Variants in ERG observed in about 807,000 individuals in gnomAD.
ERG encodes ETS transcription factor ERG.
ERG carries 9 observed loss-of-function variants against 55.3 expected under a neutral mutation model. The observed-to-expected ratio is 0.16, with a 90% confidence interval of 0.10 to 0.28. The LOEUF (loss-of-function observed/expected upper bound fraction) is 0.28, where lower values mean the gene tolerates loss of function less well. ERG is among the 10% of genes least tolerant of loss of function. ERG has a pLI of 1.00. For synonymous variants in ERG, 223 were observed against 237.3 expected, an observed-to-expected ratio of 0.94 and a Z score of 0.55; for missense variants, 434 against 631.6, an observed-to-expected ratio of 0.69 and a Z score of 3.35.
chr21:38,565,364 A>G (rs1401887815), intron 2 of ERG, among the ~76,000 whole-genome samples: 1 of 152,212 alleles, frequency 6.6e-6, no homozygotes, highest in Non-Finnish European at 1.5e-5. Context: ...AAAAAATTCA[A>G]TCAGATCACA....
intron 1 of ERG, among the ~76,000 whole-genome samples, chr21:38,657,515 G>T (rs548318956): frequency 6.6e-5 from 10 of 152,192 alleles, no homozygotes; most frequent in Admixed American, 2.0e-4. Flanking sequence ...ACTAGACTTT[G>T]CAATGTTACA....
At chr21:38,451,138 G>C (rs1427066418) in intron 1 of ERG, 16 of 485,800 alleles carry the variant, frequency 3.3e-5, no homozygotes, top group Non-Finnish European at 6.2e-5. Flanking sequence ...GAGAGAGAGA[G>C]GCTGGTAGAG....
chr21:38,557,710 C>T (rs192519577), intron 2 of ERG, among the ~76,000 whole-genome samples: 3 of 151,944 alleles, frequency 2.0e-5, no homozygotes, highest in Non-Finnish European at 4.4e-5. Flanking sequence ...AAATCCTAAC[C>T]ACATGGGGAA....
At chr21:38,375,501 G>A (rs1987217287), downstream of ERG, among the ~76,000 whole-genome samples, 2 of 152,150 alleles carry the variant, frequency 1.3e-5, no homozygotes, top group South Asian at 4.1e-4. Flanking sequence ...AATGAGAGCA[G>A]ACATTCTTGC....
intron 2 of ERG, among the ~76,000 whole-genome samples, chr21:38,443,936 A>G (rs2058865026): frequency 6.6e-6 from 1 of 152,142 alleles, no homozygotes; most frequent in African/African-American, 2.4e-5. Flanking sequence ...TGCGGTGGCA[A>G]TATGTAGCAT....
intron 1 of ERG, among the ~76,000 whole-genome samples, chr21:38,470,445 T>G (rs74720140): frequency 0.014 from 2,137 of 152,288 alleles, 50 homozygotes; most frequent in African/African-American, 0.05. Flanking sequence ...GATTTTTCTC[T>G]TTTCAAAATA....
chr21:38,538,783 G>A (rs544025228), intron 2 of ERG, among the ~76,000 whole-genome samples: 2 of 152,166 alleles, frequency 1.3e-5, no homozygotes, highest in Non-Finnish European at 2.9e-5. Context: ...CTCTTGGCAT[G>A]GTTCTTGTTC....
intron 2 of ERG, among the ~76,000 whole-genome samples, chr21:38,441,271 C>T (rs2058838637): frequency 6.6e-6 from 1 of 152,212 alleles, no homozygotes; most frequent in Admixed American, 6.5e-5. Context: ...TAATCAAATG[C>T]TAACTGAGGT....
chr21:38,647,419 T>C (rs932098189), intron 1 of ERG, among the ~76,000 whole-genome samples: 5 of 152,232 alleles, frequency 3.3e-5, no homozygotes, highest in African/African-American at 1.2e-4. Context: ...AAACGTCTTA[T>C]TCCTTTTCTG....
At chr21:38,444,777 T>A (rs2146554223) in intron 2 of ERG, among the ~76,000 whole-genome samples, 1 of 147,858 alleles carries the variant, frequency 6.8e-6, no homozygotes, top group East Asian at 2.0e-4. Context: ...ACCGCAGAGA[T>A]CAGAGGGTGG....
intron 2 of ERG, among the ~76,000 whole-genome samples, chr21:38,444,726 G>GGA (rs2058873170): frequency 7.5e-6 from 1 of 134,150 alleles, no homozygotes; most frequent in African/African-American, 2.9e-5. Flanking sequence ...CTAAGAGGAG[G>GGA]AAAAAAAAAA....
chr21:38,619,837 T>A (rs112293833), intron 1 of ERG, among the ~76,000 whole-genome samples: 1 of 152,274 alleles, frequency 6.6e-6, no homozygotes, highest in Non-Finnish European at 1.5e-5. Flanking sequence ...ATGGTTATTA[T>A]GAGAATACCA....
chr21:38,383,985 C>G lies in ERG; in HGVS notation c.920-62G>C. 2 of 1,547,752 alleles carry G rather than the reference C, an allele frequency of 1.3e-6. No individual in the cohort carries two copies. The highest frequency in any genetic ancestry group is 2.3e-5 in the East Asian group (1 of 44,294). On this transcript the variant is annotated intron_variant, in intron 9 of 9. Coordinates refer to ENST00000288319, the MANE Select transcript of ERG (RefSeq NM_182918.4). The surrounding 1 kb of genome is among the most constrained non-coding windows in gnomAD (Gnocchi z 5.7). ...GCACAGGTTCCAGGGGAAAGAGGCT[C>G]TCTGTGATGACGGAAGGAGGTGCTA... is the stretch of plus-strand genomic sequence containing the variant.
In ERG at chr21:38,487,978, C is replaced by T. The variant is rs2059302103; in HGVS notation, c.18+10385G>A. Among the ~76,000 whole-genome samples the T allele has an allele frequency of 2.0e-5, 3 of 152,230 alleles. No homozygotes were observed. In the South Asian group the frequency reaches 6.2e-4, roughly 32 times the overall value. The stretch of plus-strand genomic sequence containing the variant: ...TTCGTGCAATAACATCTACGTGAGA[C>T]ATGACAGCATCTCACCATGTCTGGC... On this transcript the variant is annotated intron_variant, in intron 1 of 9. Transcript: ENST00000288319.
chr21:38,480,971 C>A (rs778692430), intron 1 of ERG, among the ~76,000 whole-genome samples: 7 of 152,078 alleles, frequency 4.6e-5, no homozygotes, highest in Non-Finnish European at 8.8e-5. Flanking sequence ...CATTTGTGGG[C>A]AAATTAGTTA....
At chr21:38,477,629 A>G in intron 1 of ERG, among the ~76,000 whole-genome samples, 1 of 152,208 alleles carries the variant, frequency 6.6e-6, no homozygotes, top group East Asian at 1.9e-4. Flanking sequence ...TCACTCAGGC[A>G]TGAGCTTTCT....
At chr21:38,579,641 G>A (rs1379684596) in intron 1 of ERG, among the ~76,000 whole-genome samples, 7 of 152,166 alleles carry the variant, frequency 4.6e-5, no homozygotes, top group African/African-American at 4.8e-5. Flanking sequence ...GACCAAGGGC[G>A]TATGAGCTTC....
At chr21:38,514,615 T>C (rs771749372) in intron 2 of ERG, among the ~76,000 whole-genome samples, 18 of 151,966 alleles carry the variant, frequency 1.2e-4, no homozygotes, top group Admixed American at 7.9e-4. Context: ...AAAAGGAATC[T>C]ACCGAAACCT....
upstream of ERG, among the ~76,000 whole-genome samples, chr21:38,588,423 A>G (rs1310554919): frequency 6.6e-6 from 1 of 152,178 alleles, no homozygotes; most frequent in African/African-American, 2.4e-5. Flanking sequence ...ATGGGGAGGT[A>G]GAAGAAGGCA....
Sources: allele counts gnomAD v4.1 joint callset (sites outside exome capture counted in the v4.1 genomes callset), GRCh38; gene constraint gnomAD v4.1.1; non-coding constraint Gnocchi (gnomAD v3.1); transcripts MANE v1.5; gene names NCBI Gene and HGNC (gene_info 2026-07-23, HGNC 2026-07-21).